The following WLS variants were observed in gnomAD, a reference collection of about 807,000 sequenced individuals.
WLS encodes the protein Wnt ligand secretion mediator.
Under a neutral mutation model 62.8 loss-of-function variants are expected in WLS, and 23 were observed. The observed-to-expected ratio is 0.37, with a 90% CI of 0.26 to 0.52. WLS has a LOEUF of 0.52. WLS is among the 20% of genes least tolerant of loss of function. The pLI, the probability that WLS is intolerant of heterozygous loss-of-function variation, is 0.92. For missense variants in WLS, 615 were observed against 697.3 expected (o/e 0.88, Z 1.33); for synonymous variants, 246 against 244.1 (o/e 1.01, Z -0.07).
rs1276237881 is a variant in WLS at position 68,153,562 on chromosome 1, C to T, written c.758G>A (p.Trp253Ter). The change falls in exon 5 of 12, where the codon TGG (tryptophan) becomes TAG (stop). Residue 253 changes from tryptophan to a stop codon, truncating the protein, a stop_gained. Transcript: ENST00000262348. LOFTEE classifies it high-confidence loss of function. ...TCGGGACATCATGGTGATCCTCCTCCAATACCACACCATAATGATGAAGAT... is the reference window on the plus strand; with the variant it reads ...TCGGGACATCATGGTGATCCTCCTCTAATACCACACCATAATGATGAAGAT... ...PSIFIIMVWYWRRITMMSRPP... is the reference protein window; with the variant it reads ...PSIFIIMVWY The T allele has an allele frequency of 1.2e-6, 2 of 1,614,180 alleles. No individual in the cohort carries two copies. The highest frequency in any genetic ancestry group is 4.5e-5 in the East Asian group (2 of 44,878).
chr1:68,115,899 C>CT (rs200011868), intron 11 of WLS, among the ~76,000 whole-genome samples: 1,975 of 152,228 alleles, frequency 0.013, 27 homozygotes, highest in Non-Finnish European at 0.022. Flanking sequence ...TTCCACTAGT[C>CT]TTCCACCCTC....
At chr1:68,212,580 T>C (rs190367017) in intron 1 of WLS, among the ~76,000 whole-genome samples, 13 of 152,302 alleles carry the variant, frequency 8.5e-5, no homozygotes, top group Admixed American at 8.5e-4. Context: ...AAATACTTAA[T>C]ACATTGCCTG....
chr1:68,190,415 A>C (rs1202777069), intron 2 of WLS, among the ~76,000 whole-genome samples: 1 of 152,208 alleles, frequency 6.6e-6, no homozygotes, highest in Admixed American at 6.5e-5. Context: ...GGTTGAACTT[A>C]CTAGTTCACT....
At chr1:68,154,066 C>A (rs925689429) in intron 4 of WLS, among the ~76,000 whole-genome samples, 1 of 152,076 alleles carries the variant, frequency 6.6e-6, no homozygotes, top group African/African-American at 2.4e-5. Context: ...ATTAATAGGG[C>A]AGGTATGGAT....
chr1:68,114,710 G>A (rs1204407627), intron 11 of WLS, among the ~76,000 whole-genome samples: 1 of 152,196 alleles, frequency 6.6e-6, no homozygotes, highest in Non-Finnish European at 1.5e-5. Context: ...GCCCCTGAAG[G>A]CTGAGAGACT....
chr1:68,152,586 G>T (rs1160015945), intron 5 of WLS, among the ~76,000 whole-genome samples: 3 of 152,208 alleles, frequency 2.0e-5, no homozygotes, highest in African/African-American at 4.8e-5. Flanking sequence ...GACTATGAAG[G>T]TTGTTGGTGA....
chr1:68,224,646 G>C (rs1650063869), intron 1 of WLS, among the ~76,000 whole-genome samples: 1 of 152,186 alleles, frequency 6.6e-6, no homozygotes, highest in East Asian at 1.9e-4. Flanking sequence ...ATTTACAATG[G>C]CTGGTGTAGG....
At chr1:68,231,917 C>A in intron 1 of WLS, 1 of 503,142 alleles carries the variant, frequency 2.0e-6, no homozygotes, top group South Asian at 1.7e-5. Context: ...CGCGATCCGT[C>A]GCCATGCTTA....
chr1:68,106,940 A>T (rs1284410494), intron 11 of WLS, among the ~76,000 whole-genome samples: 2 of 152,176 alleles, frequency 1.3e-5, no homozygotes, highest in Admixed American at 6.5e-5. Context: ...ACCTTACTGA[A>T]ACCAACTAAG....
chr1:68,133,627 G>A (rs1489651139), intron 11 of WLS, among the ~76,000 whole-genome samples: 2 of 152,198 alleles, frequency 1.3e-5, no homozygotes, highest in Non-Finnish European at 2.9e-5. Context: ...TACTATGAAA[G>A]AGAAACAGAA....
chr1:68,154,965 A>G (rs1248890721), intron 4 of WLS, 134 bp downstream of exon 4: 10 of 986,472 alleles, frequency 1.0e-5, no homozygotes, highest in African/African-American at 1.6e-5. Context: ...AAATTAGTTC[A>G]CTTTATGATC....
intron 2 of WLS, chr1:68,161,727 T>C: frequency 4.0e-6 from 6 of 1,487,964 alleles, no homozygotes; most frequent in Non-Finnish European, 5.6e-6. Context: ...CAAATGTATC[T>C]GAATGATTAC....
chr1:68,120,821 A>C (rs1646355786), downstream of WLS, among the ~76,000 whole-genome samples: 1 of 152,178 alleles, frequency 6.6e-6, no homozygotes, highest in African/African-American at 2.4e-5. Context: ...TATATTTGTA[A>C]ATTCTCTAGC....
At chr1:68,220,452 C>T (rs1342538127) in intron 1 of WLS, among the ~76,000 whole-genome samples, 5 of 152,188 alleles carry the variant, frequency 3.3e-5, no homozygotes, top group Admixed American at 6.5e-5. Flanking sequence ...ATCCCACAAC[C>T]CCCGTGACTC....
At position 68,198,198 on chromosome 1, in the gene WLS, T is replaced by A. The variant is rs1648785770; in HGVS notation, c.107-3971A>T. 2.0e-5 allele frequency among the ~76,000 whole-genome samples: 3 copies of A among 152,174 alleles called. No individual in the cohort carries two copies. The South Asian group carries it at 6.2e-4, about 32-fold the overall frequency. On this transcript the variant is annotated intron_variant, in intron 1 of 11. Coordinates refer to ENST00000262348, the MANE Select transcript of WLS (RefSeq NM_024911.7). ...ACACCAGACCAATTCAATGACAGAA[T>A]AATTTGGCCAAAACTAAATATGCCT... is the stretch of plus-strand genomic sequence containing the variant.
At chr1:68,148,030 C>G (rs577322512) in intron 8 of WLS, 106 bp downstream of exon 8, 2 of 1,180,186 alleles carry the variant, frequency 1.7e-6, no homozygotes, top group African/African-American at 1.5e-5. Flanking sequence ...AATCAAAGCC[C>G]TGGCTGAGTA....
At chr1:68,158,416 G>A (rs745838609) in intron 3 of WLS, among the ~76,000 whole-genome samples, 8 of 152,032 alleles carry the variant, frequency 5.3e-5, no homozygotes, top group Admixed American at 3.3e-4. Context: ...GTTAATATCC[G>A]CTTTGACTCT....
At chr1:68,111,982 C>T (rs535955315) in intron 11 of WLS, among the ~76,000 whole-genome samples, 18 of 152,330 alleles carry the variant, frequency 1.2e-4, no homozygotes, top group Admixed American at 5.2e-4. Flanking sequence ...AGTGCTTTAT[C>T]GTTCTGTTCA....
At chr1:68,163,180 C>T (rs770267727) in intron 2 of WLS, 15 of 759,340 alleles carry the variant, frequency 2.0e-5, no homozygotes, top group Non-Finnish European at 3.1e-5. Context: ...GTGCATGACG[C>T]CACTATGAAC....
Sources: allele counts gnomAD v4.1 joint callset (sites outside exome capture counted in the v4.1 genomes callset), GRCh38; gene constraint gnomAD v4.1.1; transcripts MANE v1.5; gene names NCBI Gene and HGNC (gene_info 2026-07-23, HGNC 2026-07-21).